Variants in SYN3 observed in about 807,000 individuals in gnomAD.
SYN3 encodes synapsin-3.
SYN3 carries 35 observed loss-of-function variants against 65.8 expected under a neutral mutation model. The ratio of observed to expected loss-of-function variants is 0.53; its 90% CI spans 0.41 to 0.70. The LOEUF (loss-of-function observed/expected upper bound fraction) is 0.70, where lower values mean the gene tolerates loss of function less well. SYN3 is among the 30% of genes least tolerant of loss of function. The pLI, the probability that SYN3 is intolerant of heterozygous loss-of-function variation, is 0.00. For synonymous variants in SYN3, 270 were observed against 292.9 expected (o/e 0.92, Z 0.80); for missense variants, 680 against 749.0 (o/e 0.91, Z 1.08).
chr22:32,803,773 A>G (rs1601393589), intron 6 of SYN3, among the ~76,000 whole-genome samples: 1 of 152,188 alleles, frequency 6.6e-6, no homozygotes, highest in African/African-American at 2.4e-5. Context: ...TGGCAGGTGG[A>G]ATCAGGGTGT....
intron 6 of SYN3, among the ~76,000 whole-genome samples, chr22:32,815,309 T>C (rs958098638): frequency 1.3e-5 from 2 of 152,204 alleles, no homozygotes; most frequent in African/African-American, 4.8e-5. Context: ...GCGGTGACAC[T>C]GGAGAAGCCA....
chr22:33,013,526 A>G (rs2053399712), intron 1 of SYN3, among the ~76,000 whole-genome samples: 2 of 152,314 alleles, frequency 1.3e-5, no homozygotes, highest in East Asian at 3.9e-4. Flanking sequence ...TAATTAACAA[A>G]TCTATCATCT....
chr22:32,882,158 T>C (rs1298318923), intron 4 of SYN3, among the ~76,000 whole-genome samples: 3 of 152,018 alleles, frequency 2.0e-5, no homozygotes, highest in African/African-American at 7.2e-5. Context: ...AAACGCCTGA[T>C]GGTCTTCCCT....
intron 6 of SYN3, among the ~76,000 whole-genome samples, chr22:32,787,744 T>C (rs1372415898): frequency 1.3e-5 from 2 of 152,038 alleles, no homozygotes; most frequent in African/African-American, 4.8e-5. Flanking sequence ...GAAAAATCCA[T>C]GTGAAAAATG....
chr22:32,748,090 G>A (rs147917623), intron 6 of SYN3, among the ~76,000 whole-genome samples: 113 of 152,276 alleles, frequency 7.4e-4, no homozygotes, highest in African/African-American at 2.6e-3. Flanking sequence ...ATCCAGCTCC[G>A]AACCTTAGAC....
intron 1 of SYN3, among the ~76,000 whole-genome samples, chr22:33,020,889 G>C (rs1460645567): frequency 6.6e-6 from 1 of 152,120 alleles, no homozygotes; most frequent in African/African-American, 2.4e-5. Context: ...AAATTACTTA[G>C]CCTCTCTGTG....
At chr22:32,719,050 C>T (rs1569170989) in intron 6 of SYN3, among the ~76,000 whole-genome samples, 1 of 152,186 alleles carries the variant, frequency 6.6e-6, no homozygotes, top group Non-Finnish European at 1.5e-5. Flanking sequence ...TTCCAAGGAC[C>T]AGCTCAGACA....
rs35916830 is a variant in SYN3 at position 32,559,832 on chromosome 22, C to CAAA, written c.775-18122_775-18120dup. Among the ~76,000 whole-genome samples the CAAA allele has an allele frequency of 6.2e-5, 6 of 96,046 alleles. 1 individual carries two copies. The highest frequency in any genetic ancestry group is 1.1e-4 in the Non-Finnish European group (5 of 45,476). 63.0% of individuals were successfully genotyped at this position (96,046 alleles called of 152,430 possible). On this transcript the variant is annotated intron_variant, in intron 7 of 13. Coordinates refer to ENST00000358763, the MANE Select transcript of SYN3 (RefSeq NM_003490.4). ...GAGACAGAGCGAGACTCCGTCTCAA[C>CAAA]AAAAAAAAAAAAAAAGAAAAAAAGA... is the stretch of plus-strand genomic sequence containing the variant.
intron 8 of SYN3, among the ~76,000 whole-genome samples, chr22:32,539,294 A>G (rs2058215073): frequency 6.9e-6 from 1 of 145,918 alleles, no homozygotes; most frequent in South Asian, 2.4e-4. Flanking sequence ...GACTGGGCAC[A>G]TACACTGAGA....
At chr22:32,594,590 C>T (rs576503761) in intron 7 of SYN3, among the ~76,000 whole-genome samples, 17 of 152,126 alleles carry the variant, frequency 1.1e-4, no homozygotes, top group Admixed American at 4.6e-4. Context: ...CAGGTTCCAG[C>T]GATTCTCCTG....
At chr22:32,675,613 C>T (rs2060429439) in intron 6 of SYN3, among the ~76,000 whole-genome samples, 1 of 152,114 alleles carries the variant, frequency 6.6e-6, no homozygotes, top group Admixed American at 6.5e-5. Flanking sequence ...CCAAGGGTAC[C>T]CTCTAGAGAG....
chr22:32,641,530 C>T (rs1028245939), intron 6 of SYN3, among the ~76,000 whole-genome samples: 2 of 148,444 alleles, frequency 1.3e-5, no homozygotes, highest in Admixed American at 6.9e-5. Flanking sequence ...ATGTTGTGAA[C>T]CCGGGAGGCA....
intron 6 of SYN3, among the ~76,000 whole-genome samples, chr22:32,726,292 G>C (rs560608900): frequency 4.6e-5 from 7 of 152,204 alleles, no homozygotes; most frequent in Non-Finnish European, 7.4e-5. Flanking sequence ...ATAGGCATAC[G>C]CCACCACGCC....
chr22:32,859,417 C>A, intron 6 of SYN3: 2 of 1,585,628 alleles, frequency 1.3e-6, no homozygotes, highest in Non-Finnish European at 1.7e-6. Context: ...TCCCTTCCCG[C>A]TGAGCTTCCC....
rs937243243 is a variant in SYN3, at chr22:33,016,825, T to A, written c.-162-10001A>T. ...ATTAGCCCCTTATCAGATGTATGGTTTGCAAATATTTTCTCCCAATCTCTG... is the reference window on the plus strand; with the variant it reads ...ATTAGCCCCTTATCAGATGTATGGTATGCAAATATTTTCTCCCAATCTCTG... On this transcript the variant is annotated intron_variant, in intron 1 of 13. Transcript: ENST00000358763. Among the ~76,000 whole-genome samples, 7 of 152,358 alleles carry A rather than the reference T, an allele frequency of 4.6e-5. 1 individual carries two copies. The highest frequency in any genetic ancestry group is 3.9e-4 in the East Asian group (2 of 5,190).
intron 6 of SYN3, among the ~76,000 whole-genome samples, chr22:32,669,310 A>G (rs1601879276): frequency 6.6e-6 from 1 of 152,114 alleles, no homozygotes; most frequent in African/African-American, 2.4e-5. Flanking sequence ...GTCATTCCTT[A>G]TGGGCCAGCA....
chr22:32,520,926 A>T (rs135122), intron 12 of SYN3, among the ~76,000 whole-genome samples: 149,205 of 152,320 alleles, frequency 0.98, 73,090 homozygotes, highest in East Asian at 1. Context: ...CATTGGACTG[A>T]ACATCAAACA....
At chr22:32,572,669 A>C in intron 7 of SYN3, among the ~76,000 whole-genome samples, 1 of 150,862 alleles carries the variant, frequency 6.6e-6, no homozygotes, top group East Asian at 2.0e-4. Flanking sequence ...CGCAGCCTTG[A>C]CCCCCTGGGC....
intron 6 of SYN3, among the ~76,000 whole-genome samples, chr22:32,756,397 A>C (rs2045293264): frequency 6.6e-6 from 1 of 152,244 alleles, no homozygotes; most frequent in South Asian, 2.1e-4. Context: ...CGTTGTGCAC[A>C]TGTACTCTAA....
Sources: gnomAD v4.1 joint callset for allele counts (sites outside exome capture counted in the v4.1 genomes callset) on GRCh38, gnomAD v4.1.1 for gene constraint, MANE v1.5 for transcripts, NCBI Gene and HGNC (gene_info 2026-07-23, HGNC 2026-07-21) for gene names.